LONP2: variants seen among roughly 807,000 people sequenced by gnomAD.
The protein encoded by LONP2 is lon protease homolog 2, peroxisomal.
Under a neutral mutation model 85.6 loss-of-function variants are expected in LONP2, and 60 were observed. The observed-to-expected ratio is 0.70, with a 90% CI of 0.57 to 0.87. The LOEUF is 0.87. Ranked by LOEUF, LONP2 falls within the 40% of genes least tolerant of loss-of-function variation. LONP2 has a pLI of 0.00. For synonymous variants in LONP2, 395 were observed against 389.7 expected (o/e 1.01, Z -0.16); for missense variants, 860 against 1,063.5 (o/e 0.81, Z 2.66).
At chr16:48,334,478 A>G in intron 12 of LONP2, 120 bp downstream of exon 12, 1 of 1,279,040 alleles carries the variant, frequency 7.8e-7, no homozygotes, top group Non-Finnish European at 1.1e-6. Flanking sequence ...GCCTTATTCG[A>G]CCTTCTTTTT....
intron 1 of LONP2, 98 bp downstream of exon 1, chr16:48,244,719 G>C: frequency 6.8e-6 from 6 of 886,974 alleles, no homozygotes; most frequent in East Asian, 3.4e-5. Flanking sequence ...GGCTCAGTTC[G>C]GGGCGGCCTT....
chr16:48,359,439 G>C (rs1002892323), downstream of LONP2, among the ~76,000 whole-genome samples: 2 of 152,112 alleles, frequency 1.3e-5, no homozygotes, highest in Admixed American at 6.5e-5. Context: ...AAATGGCTAC[G>C]CAAGGCCGGG....
chr16:48,248,305 TG>T (rs1971517293), intron 1 of LONP2, among the ~76,000 whole-genome samples: 2 of 150,828 alleles, frequency 1.3e-5, no homozygotes, highest in Admixed American at 6.6e-5. Context: ...TTTTTTTTTT[TG>T]GTGGAGACGG....
At chr16:48,290,783 G>T (rs1406558163) in intron 8 of LONP2, among the ~76,000 whole-genome samples, 1 of 152,068 alleles carries the variant, frequency 6.6e-6, no homozygotes, top group East Asian at 1.9e-4. Context: ...TGTCACATAG[G>T]CCTGATTGAT....
chr16:48,331,501 A>C (rs1959445547), intron 11 of LONP2, among the ~76,000 whole-genome samples: 1 of 152,146 alleles, frequency 6.6e-6, no homozygotes, highest in Non-Finnish European at 1.5e-5. Flanking sequence ...ATGAGAATAT[A>C]TATAACTCAA....
Position 48,293,024 on chromosome 16 carries a change from G to A in LONP2, c.1384-2991G>A, listed in dbSNP as rs144033933. 4.4e-3 allele frequency among the ~76,000 whole-genome samples: 669 copies of A among 152,026 alleles called. 4 individuals carry two copies. The highest frequency in any genetic ancestry group is 0.015 in the African/African-American group (634 of 41,420). The stretch of plus-strand genomic sequence containing the variant: ...ATTAATTTTCCTACTTTTTAAAAAC[G>A]CTAGTGTCTTAAAATTTTAAGAGAA... On this transcript the variant is annotated intron_variant, in intron 8 of 14. Coordinates refer to ENST00000285737, the MANE Select transcript of LONP2 (RefSeq NM_031490.5).
intron 9 of LONP2, among the ~76,000 whole-genome samples, chr16:48,297,229 C>G (rs1220589532): frequency 6.6e-6 from 1 of 152,136 alleles, no homozygotes; most frequent in Non-Finnish European, 1.5e-5. Context: ...AACTCCTGGC[C>G]TCAAGTGATC....
intron 12 of LONP2, among the ~76,000 whole-genome samples, chr16:48,343,388 A>G (rs1365949936): frequency 6.6e-6 from 1 of 152,196 alleles, no homozygotes; most frequent in African/African-American, 2.4e-5. Context: ...TTTAAAAACT[A>G]ATAGCATTGA....
rs1381465980 is a variant in LONP2 at position 48,336,475 on chromosome 16, G to A, written c.1938+2117G>A. 5 of 455,754 alleles carry A rather than the reference G, an allele frequency of 1.1e-5. 1 individual carries two copies. The highest frequency in any genetic ancestry group is 4.0e-5 in the African/African-American group (2 of 50,054). 28.2% of individuals were successfully genotyped at this position (455,754 alleles called of 1,614,324 possible). On this transcript the variant is annotated intron_variant, in intron 12 of 14. Transcript: ENST00000285737. ...CAAACAGGCTTTGTGTGAGCAACAA[G>A]GCTGTTATTTCACCTGGGTACAGGT...
intron 14 of LONP2, among the ~76,000 whole-genome samples, chr16:48,350,644 A>G (rs894917470): frequency 1.3e-5 from 2 of 152,212 alleles, no homozygotes; most frequent in African/African-American, 4.8e-5. Flanking sequence ...GATGCAACAC[A>G]TTACCCCAAA....
intron 8 of LONP2, among the ~76,000 whole-genome samples, chr16:48,281,507 A>G: frequency 6.6e-6 from 1 of 152,198 alleles, no homozygotes; most frequent in East Asian, 1.9e-4. Flanking sequence ...AAGGGCTTGT[A>G]TGTAATTAAT....
chr16:48,265,802 C>G (rs1458460172), intron 6 of LONP2, among the ~76,000 whole-genome samples: 1 of 152,038 alleles, frequency 6.6e-6, no homozygotes, highest in Non-Finnish European at 1.5e-5. Context: ...TTGTAAATTG[C>G]TTTGAGTGGT....
chr16:48,285,100 G>A (rs1972410619), intron 8 of LONP2, among the ~76,000 whole-genome samples: 1 of 151,812 alleles, frequency 6.6e-6, no homozygotes, highest in Admixed American at 6.6e-5. Flanking sequence ...CATTTTTGAA[G>A]TAATTTTGTT....
chr16:48,276,004 CCA>C (rs1176625796), intron 7 of LONP2, among the ~76,000 whole-genome samples: 1 of 152,022 alleles, frequency 6.6e-6, no homozygotes, highest in Non-Finnish European at 1.5e-5. Flanking sequence ...AAAAAATGAC[CCA>C]TTAGAGCCTT....
intron 4 of LONP2, 130 bp from the exon 5 acceptor site, chr16:48,261,294 A>G: frequency 3.1e-6 from 2 of 641,194 alleles, no homozygotes; most frequent in South Asian, 3.5e-5. Flanking sequence ...TCTGAACTTC[A>G]CTTCCTAAAG....
chr16:48,256,486 T>A, intron 2 of LONP2, 124 bp from the exon 3 acceptor site: 1 of 925,148 alleles, frequency 1.1e-6, no homozygotes. Context: ...TGGACTATAT[T>A]AATCAGTGAT....
At chr16:48,348,421 T>A in intron 14 of LONP2, 131 bp downstream of exon 14, 1 of 421,586 alleles carries the variant, frequency 2.4e-6, no homozygotes. Context: ...TTTTTATGCC[T>A]GTAACTAATT....
rs542258656 is a variant in LONP2, at chr16:48,362,956, T to G, written c.*1093T>G. On this transcript the variant is annotated 3_prime_UTR_variant, in exon 5 of 5. Transcript: ENST00000565867. This position sits in a 1 kb window ranked among gnomAD's most constrained non-coding sequence, Gnocchi z 4.2. The stretch of plus-strand genomic sequence containing the variant: ...ATGGATTGAAAATATTCAGAAAAAT[T>G]TATAAAGAATACAAAATTTTTAAAA... 6.0e-6 allele frequency: 1 copy of G among 165,670 alleles called. No individual in the cohort carries two copies. The highest frequency in any genetic ancestry group is 2.4e-5 in the African/African-American group (1 of 41,436). 10.3% of individuals were successfully genotyped at this position (165,670 alleles called of 1,614,324 possible).
rs1457995202 is a variant in LONP2, at chr16:48,244,586, C to T, written c.198C>T (p.Pro66=). ...ILGVIPNTPD[P]ASDAQDLPPL... ...GCGTCATCCCCAACACGCCTGACCC[C>T]GCCAGCGACGCGCAGGACCTGCCGC... The change falls in exon 1 of 15, where the codon CCC becomes CCT. Residue 66 remains proline (P), a synonymous_variant. Transcript: ENST00000285737. The T allele has an allele frequency of 1.0e-5, 15 of 1,493,538 alleles. No homozygotes were observed. In the East Asian group the frequency reaches 4.3e-4, roughly 43 times the overall value. 92.5% of individuals were successfully genotyped at this position (1,493,538 alleles called of 1,614,324 possible).
Sources: gnomAD v4.1 joint callset for allele counts (sites outside exome capture counted in the v4.1 genomes callset) on GRCh38, gnomAD v4.1.1 for gene constraint, Gnocchi (gnomAD v3.1) non-coding constraint, MANE v1.5 for transcripts, NCBI Gene and HGNC (gene_info 2026-07-23, HGNC 2026-07-21) for gene names.